Variants in RETREG1 observed in about 807,000 individuals in gnomAD.
RETREG1 encodes reticulophagy regulator 1, also known as family with sequence similarity 134 member B.
Under a neutral mutation model 54.8 loss-of-function variants are expected in RETREG1, and 44 were observed. The ratio of observed to expected loss-of-function variants is 0.80; its 90% CI spans 0.63 to 1.03. The LOEUF is 1.03. RETREG1 is among the 50% of genes least tolerant of loss of function. RETREG1 has a pLI of 0.00. For missense variants in RETREG1, 554 were observed against 605.1 expected, an observed-to-expected ratio of 0.92 and a Z score of 0.89; for synonymous variants, 217 against 238.5, an observed-to-expected ratio of 0.91 and a Z score of 0.83.
intron 1 of RETREG1, among the ~76,000 whole-genome samples, chr5:16,605,830 A>C (rs559245894): frequency 6.6e-6 from 1 of 152,252 alleles, no homozygotes; most frequent in East Asian, 1.9e-4. Context: ...GACCCCTTTT[A>C]TAAGGGCACT....
At chr5:16,535,022 C>G (rs1217650559) in intron 3 of RETREG1, among the ~76,000 whole-genome samples, 1 of 152,158 alleles carries the variant, frequency 6.6e-6, no homozygotes, top group Non-Finnish European at 1.5e-5. Flanking sequence ...GGACATTAAA[C>G]AAGTGAAGAC....
At chr5:16,538,073 G>A (rs953925147) in intron 3 of RETREG1, among the ~76,000 whole-genome samples, 4 of 152,184 alleles carry the variant, frequency 2.6e-5, no homozygotes, top group African/African-American at 9.7e-5. Context: ...CTGAAGTCAA[G>A]CAGGGTTCCC....
At chr5:16,557,077 G>A (rs927606389) in intron 3 of RETREG1, among the ~76,000 whole-genome samples, 15 of 152,156 alleles carry the variant, frequency 9.9e-5, no homozygotes, top group Non-Finnish European at 1.3e-4. Flanking sequence ...TGATCTGCCC[G>A]CCTCGGCCTC....
intron 1 of RETREG1, among the ~76,000 whole-genome samples, chr5:16,608,064 G>A (rs865850139): frequency 1.3e-5 from 2 of 152,118 alleles, no homozygotes; most frequent in Middle Eastern, 3.4e-3. Context: ...ATTTTTAATA[G>A]AGATGGAGTT....
At chr5:16,557,914 T>C (rs1052912954) in intron 3 of RETREG1, among the ~76,000 whole-genome samples, 1 of 152,076 alleles carries the variant, frequency 6.6e-6, no homozygotes, top group African/African-American at 2.4e-5. Context: ...CATGATGATA[T>C]TAAGATGTGA....
intron 1 of RETREG1, among the ~76,000 whole-genome samples, chr5:16,576,488 A>AT (rs910561158): frequency 6.7e-6 from 1 of 148,778 alleles, no homozygotes; most frequent in South Asian, 2.1e-4. Flanking sequence ...TTATTTATTT[A>AT]TTTTTTTATT....
chr5:16,534,809 G>A (rs1275606616), intron 3 of RETREG1, among the ~76,000 whole-genome samples: 1 of 152,202 alleles, frequency 6.6e-6, no homozygotes, highest in African/African-American at 2.4e-5. Flanking sequence ...CCAAACTTCT[G>A]AAAGGAAAGG....
intron 1 of RETREG1, among the ~76,000 whole-genome samples, chr5:16,578,281 T>C (rs1464186912): frequency 6.6e-6 from 1 of 151,590 alleles, no homozygotes; most frequent in Non-Finnish European, 1.5e-5. Flanking sequence ...AATCATTTAT[T>C]ATTTAATGAA....
intron 3 of RETREG1, 72 bp from the exon 4 acceptor site, chr5:16,483,544 A>ATGTT (rs2126521239): frequency 6.5e-7 from 1 of 1,535,496 alleles, no homozygotes; most frequent in Non-Finnish European, 9.0e-7. Context: ...GCTTTGGCAA[A>ATGTT]TATTTATTGA....
rs953413787 is a variant in RETREG1 at position 16,523,251 on chromosome 5, T to C, written c.459-39779A>G. 4.1e-4 allele frequency among the ~76,000 whole-genome samples: 63 copies of C among 152,126 alleles called. 1 individual carries two copies. Among genetic ancestry groups the C allele is most frequent in the Admixed American group, 3.2e-3 (49 of 15,272 alleles). ...TGTACTTTGCTAGGTTTTTGTTTTG[T>C]TTTGTTTTTTTCTTCATCCCTTCCA... is the stretch of plus-strand genomic sequence containing the variant. On this transcript the variant is annotated intron_variant, in intron 3 of 8. Transcript: ENST00000306320.
In RETREG1 at chr5:16,613,422, C is replaced by T. The variant is rs76207648; in HGVS notation, c.320+3230G>A. On this transcript the variant is annotated intron_variant, in intron 1 of 8. Coordinates refer to ENST00000306320, the MANE Select transcript of RETREG1 (RefSeq NM_001034850.3). ...CCACAATCTCTTCCATCCACAATAC[C>T]ACGTTCCCCAAAACCATATCAAAAT... is the stretch of plus-strand genomic sequence containing the variant. Among the ~76,000 whole-genome samples, 377 of 152,098 alleles carry T rather than the reference C, an allele frequency of 2.5e-3. 7 individuals are homozygous for T. The East Asian group carries it at 0.057, about 23-fold the overall frequency.
At chr5:16,505,434 C>T (rs1260037918) in intron 3 of RETREG1, among the ~76,000 whole-genome samples, 1 of 152,146 alleles carries the variant, frequency 6.6e-6, no homozygotes, top group Non-Finnish European at 1.5e-5. Context: ...TGTCTCCACA[C>T]CTGGGCTGTG....
intron 3 of RETREG1, among the ~76,000 whole-genome samples, chr5:16,526,615 C>G (rs558113285): frequency 6.6e-6 from 1 of 152,220 alleles, no homozygotes; most frequent in Admixed American, 6.5e-5. Context: ...GAGTCAGGCC[C>G]AAGGTTTTAA....
At chr5:16,589,557 G>T (rs1742704688) in intron 1 of RETREG1, among the ~76,000 whole-genome samples, 1 of 152,078 alleles carries the variant, frequency 6.6e-6, no homozygotes, top group East Asian at 1.9e-4. Context: ...GTAGAGACGG[G>T]GCTTCACCAT....
At chr5:16,493,975 G>A (rs1294177739) in intron 3 of RETREG1, among the ~76,000 whole-genome samples, 1 of 152,216 alleles carries the variant, frequency 6.6e-6, no homozygotes, top group African/African-American at 2.4e-5. Flanking sequence ...CAAACTTGGA[G>A]TGACTATCGC....
chr5:16,498,916 C>T (rs1739583494), intron 3 of RETREG1, among the ~76,000 whole-genome samples: 1 of 152,142 alleles, frequency 6.6e-6, no homozygotes. Context: ...ATTCTCTTAG[C>T]TTACTGTAAC....
At chr5:16,560,095 A>G (rs1422095976) in intron 3 of RETREG1, among the ~76,000 whole-genome samples, 1 of 152,228 alleles carries the variant, frequency 6.6e-6, no homozygotes, top group East Asian at 1.9e-4. Flanking sequence ...AAATTATCTA[A>G]TGTTGATTGT....
chr5:16,531,245 C>A (rs1284367638), intron 3 of RETREG1, among the ~76,000 whole-genome samples: 1 of 152,142 alleles, frequency 6.6e-6, no homozygotes, highest in Non-Finnish European at 1.5e-5. Context: ...AAAGTAGAAA[C>A]CTTGCCCAAG....
intron 3 of RETREG1, among the ~76,000 whole-genome samples, chr5:16,536,379 A>G (rs753512592): frequency 1.2e-4 from 18 of 152,110 alleles, no homozygotes; most frequent in Non-Finnish European, 2.9e-5. Context: ...GTTGATAAAA[A>G]CCCAAACTTT....
Sources: gnomAD v4.1 joint callset for allele counts (sites outside exome capture counted in the v4.1 genomes callset) on GRCh38, gnomAD v4.1.1 for gene constraint, MANE v1.5 for transcripts, NCBI Gene and HGNC (gene_info 2026-07-23, HGNC 2026-07-21) for gene names.